The following TIMP3 variants were observed in gnomAD, a reference collection of about 807,000 sequenced individuals.
The protein encoded by TIMP3 is metalloproteinase inhibitor 3.
Under a neutral mutation model 30.0 loss-of-function variants are expected in TIMP3, and 11 were observed. The ratio of observed to expected loss-of-function variants is 0.37; its 90% CI spans 0.23 to 0.61. TIMP3 has a LOEUF of 0.61. TIMP3 is among the 20% of genes least tolerant of loss of function. TIMP3 has a pLI of 0.70. For missense variants in TIMP3, 181 were observed against 276.8 expected, an observed-to-expected ratio of 0.65 and a Z score of 2.45; for synonymous variants, 112 against 111.3, an observed-to-expected ratio of 1.01 and a Z score of -0.04.
intron 1 of TIMP3, among the ~76,000 whole-genome samples, chr22:32,806,398 T>TAAAAAC (rs2046737113): frequency 6.6e-6 from 1 of 152,172 alleles, no homozygotes; most frequent in Admixed American, 6.5e-5. Flanking sequence ...GTTCATTAAT[T>TAAAAAC]AAAAACAAAA....
intron 2 of TIMP3, among the ~76,000 whole-genome samples, chr22:32,854,928 T>A (rs1293636948): frequency 6.6e-6 from 1 of 152,168 alleles, no homozygotes; most frequent in Non-Finnish European, 1.5e-5. Context: ...GTGGACCACC[T>A]ACCCCCGCCA....
intron 1 of TIMP3, among the ~76,000 whole-genome samples, chr22:32,843,926 G>T (rs966082803): frequency 6.6e-6 from 1 of 152,132 alleles, no homozygotes; most frequent in Non-Finnish European, 1.5e-5. Flanking sequence ...AGGAATGGGG[G>T]TGTTGTGTGT....
chr22:32,838,394 G>C (rs908878850), intron 1 of TIMP3, among the ~76,000 whole-genome samples: 8 of 152,200 alleles, frequency 5.3e-5, no homozygotes, highest in Non-Finnish European at 8.8e-5. Flanking sequence ...GGGGCAGCTG[G>C]AGGCCAGAGG....
chr22:32,857,453 A>G, intron 3 of TIMP3, 93 bp downstream of exon 3: 1 of 940,254 alleles, frequency 1.1e-6, no homozygotes, highest in Non-Finnish European at 1.7e-6. Flanking sequence ...TTGACTCACC[A>G]AATGTCCAGT....
chr22:32,814,503 G>A (rs1001534938), intron 1 of TIMP3, among the ~76,000 whole-genome samples: 4 of 152,086 alleles, frequency 2.6e-5, no homozygotes, highest in African/African-American at 9.7e-5. Context: ...TTTTTCTAAC[G>A]GAGAAAGACA....
intron 1 of TIMP3, among the ~76,000 whole-genome samples, chr22:32,833,061 C>T (rs976582417): frequency 3.9e-5 from 6 of 152,164 alleles, no homozygotes; most frequent in African/African-American, 1.4e-4. Flanking sequence ...CATTTTTTAA[C>T]ACTAGAAGTA....
intron 1 of TIMP3, among the ~76,000 whole-genome samples, chr22:32,829,400 C>T (rs943485777): frequency 1.3e-5 from 2 of 152,220 alleles, no homozygotes; most frequent in African/African-American, 4.8e-5. Flanking sequence ...CCAGTTGGCA[C>T]TTCATTATGG....
Position 32,857,205 on chromosome 22 carries a change from C to A in TIMP3, c.205-44C>A, listed in dbSNP as rs1334117317. ...GTGGGATTAGGGATCATACGGGTGT[C>A]CAAACTGGGAAAGAAGAAGTCATGA... is the stretch of plus-strand genomic sequence containing the variant. On this transcript the variant is annotated intron_variant, in intron 2 of 4. Coordinates refer to ENST00000266085, the MANE Select transcript of TIMP3 (RefSeq NM_000362.5). 8.7e-6 allele frequency: 13 copies of A among 1,498,134 alleles called. No individual in the cohort carries two copies. In the Admixed American group the frequency reaches 2.2e-4, roughly 25 times the overall value. The allele number at this position is 1,498,134 out of a possible 1,614,324, so 92.8% of individuals were successfully genotyped here.
rs2047014788 is a variant in TIMP3 at position 32,814,309 on chromosome 22, G to GAC, written c.121+12188_121+12189insCA. ...AGAGGGAAGGAAGGAAGGAGAGAGA[G>GAC]AGAGAGACAGAAAGAAAGAAAGAAA... On this transcript the variant is annotated intron_variant, in intron 1 of 4. Coordinates refer to ENST00000266085, the MANE Select transcript of TIMP3 (RefSeq NM_000362.5). Among the ~76,000 whole-genome samples, 5 of 4,020 alleles carry GAC rather than the reference G, an allele frequency of 1.2e-3. No individual in the cohort carries two copies. The Admixed American group carries it at 0.013, about 10-fold the overall frequency. The allele number at this position is 4,020 out of a possible 152,430, so 2.6% of individuals were successfully genotyped here.
intron 1 of TIMP3, among the ~76,000 whole-genome samples, chr22:32,817,615 A>G (rs1488498614): frequency 6.6e-6 from 1 of 152,206 alleles, no homozygotes; most frequent in Non-Finnish European, 1.5e-5. Flanking sequence ...GAGGAAGGGA[A>G]GGCTGACCTT....
chr22:32,849,744 T>A (rs1202249102), intron 2 of TIMP3, among the ~76,000 whole-genome samples: 1 of 152,176 alleles, frequency 6.6e-6, no homozygotes, highest in Non-Finnish European at 1.5e-5. Flanking sequence ...CAAGAGCCCA[T>A]GCAGGTGGAG....
intron 1 of TIMP3, among the ~76,000 whole-genome samples, chr22:32,822,082 G>C (rs909734235): frequency 2.0e-5 from 3 of 150,516 alleles, no homozygotes; most frequent in African/African-American, 7.3e-5. Flanking sequence ...TTGAACCTGG[G>C]AGGCAGAGGT....
intron 1 of TIMP3, among the ~76,000 whole-genome samples, chr22:32,804,530 C>G (rs2046674073): frequency 6.6e-6 from 1 of 152,234 alleles, no homozygotes; most frequent in South Asian, 2.1e-4. Context: ...TGGTGGTTTT[C>G]TCTTCATGGC....
At chr22:32,842,756 T>G (rs1195553745) in intron 1 of TIMP3, among the ~76,000 whole-genome samples, 1 of 152,218 alleles carries the variant, frequency 6.6e-6, no homozygotes, top group Non-Finnish European at 1.5e-5. Flanking sequence ...CATGAAAGCC[T>G]TGCCGGGGAG....
intron 1 of TIMP3, among the ~76,000 whole-genome samples, chr22:32,843,083 T>A (rs1358816189): frequency 6.8e-6 from 1 of 147,514 alleles, no homozygotes; most frequent in Non-Finnish European, 1.5e-5. Flanking sequence ...GACCTCCCAT[T>A]TTTTTTTTTC....
At chr22:32,857,721 A>C (rs1041582129) in intron 3 of TIMP3, among the ~76,000 whole-genome samples, 3 of 152,198 alleles carry the variant, frequency 2.0e-5, no homozygotes, top group African/African-American at 7.2e-5. Context: ...GAGAAAACAA[A>C]AACAAAAATC....
At chr22:32,803,978 G>C (rs564287083) in intron 1 of TIMP3, among the ~76,000 whole-genome samples, 2 of 152,118 alleles carry the variant, frequency 1.3e-5, no homozygotes, top group African/African-American at 4.8e-5. Flanking sequence ...GGGCCTTCCC[G>C]TCTGCTTACT....
At chr22:32,858,244 T>TCA in intron 4 of TIMP3, 106 bp downstream of exon 4, 1 of 1,526,978 alleles carries the variant, frequency 6.5e-7, no homozygotes, top group Non-Finnish European at 8.9e-7. Flanking sequence ...GGGAAGGGTA[T>TCA]GCATGTGTTA....
At chr22:32,823,351 A>G (rs533849060) in intron 1 of TIMP3, among the ~76,000 whole-genome samples, 6 of 152,176 alleles carry the variant, frequency 3.9e-5, no homozygotes, top group African/African-American at 1.4e-4. Flanking sequence ...GCCGCAAGGG[A>G]TGTTTCTGTT....
Sources: gnomAD v4.1 joint callset for allele counts (sites outside exome capture counted in the v4.1 genomes callset) on GRCh38, gnomAD v4.1.1 for gene constraint, MANE v1.5 for transcripts, NCBI Gene and HGNC (gene_info 2026-07-23, HGNC 2026-07-21) for gene names.